The following NDST4 variants were observed in gnomAD, a reference collection of about 807,000 sequenced individuals.
NDST4 encodes N-deacetylase and N-sulfotransferase 4.
Under a neutral mutation model 100.8 loss-of-function variants are expected in NDST4, and 63 were observed. That is an observed-to-expected ratio of 0.62 (90% CI 0.51 to 0.77). The LOEUF (loss-of-function observed/expected upper bound fraction) is 0.77, where lower values mean the gene tolerates loss of function less well. Ranked by LOEUF, NDST4 falls within the 30% of genes least tolerant of loss-of-function variation. NDST4 has a pLI of 0.00. For missense variants in NDST4, 943 were observed against 1,018.4 expected (o/e 0.93, Z 1.01); for synonymous variants, 377 against 361.8 (o/e 1.04, Z -0.48).
rs1214483365 is a variant in NDST4, at chr4:114,984,760, T to C, written c.979-7486A>G. 3.3e-5 allele frequency among the ~76,000 whole-genome samples: 5 copies of C among 152,308 alleles called. No homozygotes were observed. In the East Asian group the frequency reaches 7.7e-4, roughly 24 times the overall value. ...ACCTTAGTAACCTTATATTCCAATA[T>C]AGCAAGTTTGTGTGCCTACCTCAGT... On this transcript the variant is annotated intron_variant, in intron 2 of 13. Coordinates refer to ENST00000264363, the MANE Select transcript of NDST4 (RefSeq NM_022569.3).
At chr4:115,021,164 C>T (rs1255423004) in intron 2 of NDST4, among the ~76,000 whole-genome samples, 4 of 151,642 alleles carry the variant, frequency 2.6e-5, no homozygotes, top group Non-Finnish European at 4.4e-5. Flanking sequence ...AATCTAAATG[C>T]CCATCAATCA....
At chr4:115,045,356 A>G (rs974827652) in intron 2 of NDST4, among the ~76,000 whole-genome samples, 6 of 152,202 alleles carry the variant, frequency 3.9e-5, no homozygotes, top group African/African-American at 1.4e-4. Flanking sequence ...CAAAAACCTC[A>G]CTAGCTAATT....
intron 6 of NDST4, among the ~76,000 whole-genome samples, chr4:114,927,205 A>G (rs1367562169): frequency 7.1e-6 from 1 of 141,320 alleles, no homozygotes; most frequent in Non-Finnish European, 1.5e-5. Flanking sequence ...AGTATTTAAA[A>G]TTAACTTGAT....
intron 2 of NDST4, among the ~76,000 whole-genome samples, chr4:114,984,571 G>A (rs1016117039): frequency 1.3e-5 from 2 of 152,082 alleles, no homozygotes; most frequent in Non-Finnish European, 2.9e-5. Flanking sequence ...ATAAAAAGGT[G>A]TCTTATTTAT....
chr4:114,874,826 T>C (rs1724224633), intron 6 of NDST4, among the ~76,000 whole-genome samples: 1 of 151,104 alleles, frequency 6.6e-6, no homozygotes, highest in Admixed American at 6.6e-5. Flanking sequence ...CTTATGTTGC[T>C]ACTATTTTTT....
intron 6 of NDST4, among the ~76,000 whole-genome samples, chr4:114,909,606 G>T (rs1725022350): frequency 6.8e-6 from 1 of 146,194 alleles, no homozygotes; most frequent in Non-Finnish European, 1.5e-5. Context: ...CTTGCAGTGA[G>T]CCGAGATTGC....
chr4:115,033,127 ATGTG>A (rs201380744), intron 2 of NDST4, among the ~76,000 whole-genome samples: 119 of 98,638 alleles, frequency 1.2e-3, no homozygotes, highest in African/African-American at 4.7e-3. Flanking sequence ...TTATATATAT[ATGTG>A]TATATATATA....
chr4:115,071,602 A>G (rs1265791349), intron 2 of NDST4, among the ~76,000 whole-genome samples: 1 of 152,146 alleles, frequency 6.6e-6, no homozygotes, highest in Non-Finnish European at 1.5e-5. Flanking sequence ...ATACCTATTG[A>G]ACACCTCTTT....
chr4:114,917,599 GAGACCCTGT>G (rs1725201714), intron 6 of NDST4, among the ~76,000 whole-genome samples: 1 of 152,008 alleles, frequency 6.6e-6, no homozygotes, highest in Non-Finnish European at 1.5e-5. Context: ...GCAACATAGT[GAGACCCTGT>G]CTCTAAAAAA....
rs58788200 is a variant in NDST4 at position 115,006,632 on chromosome 4, G to A, written c.979-29358C>T. 7.2e-3 allele frequency among the ~76,000 whole-genome samples: 1,093 copies of A among 152,114 alleles called. 10 individuals carry two copies. Among genetic ancestry groups the A allele is most frequent in the African/African-American group, 0.022 (927 of 41,518 alleles). On this transcript the variant is annotated intron_variant, in intron 2 of 13. Transcript: ENST00000264363. ...GAACAAGTTTGTGGGAAAAGATGAC[G>A]GTATCTTTTTGAGACAGGCTGAATT...
chr4:114,894,007 A>G (rs1436165970), intron 6 of NDST4, among the ~76,000 whole-genome samples: 1 of 152,098 alleles, frequency 6.6e-6, no homozygotes, highest in African/African-American at 2.4e-5. Flanking sequence ...TCCTTTCCCC[A>G]TTGCTTGTTT....
chr4:115,094,816 G>A (rs1729588721), intron 1 of NDST4, among the ~76,000 whole-genome samples: 1 of 152,094 alleles, frequency 6.6e-6, no homozygotes, highest in Non-Finnish European at 1.5e-5. Flanking sequence ...CCAGAAGAGA[G>A]ATCTGGAACA....
chr4:115,012,719 A>G (rs1472858611), intron 2 of NDST4, among the ~76,000 whole-genome samples: 1 of 140,726 alleles, frequency 7.1e-6, no homozygotes, highest in Non-Finnish European at 1.5e-5. Context: ...AAATCAGTAC[A>G]TCAAAGAAAT....
chr4:114,930,799 A>G (rs1725495911), intron 6 of NDST4, among the ~76,000 whole-genome samples: 1 of 152,154 alleles, frequency 6.6e-6, no homozygotes, highest in Admixed American at 6.5e-5. Context: ...AAATAATCAC[A>G]ATATTATATA....
intron 6 of NDST4, among the ~76,000 whole-genome samples, chr4:114,911,112 T>A (rs1578383086): frequency 6.6e-6 from 1 of 151,228 alleles, no homozygotes; most frequent in Non-Finnish European, 1.5e-5. Context: ...ATCTCACTTA[T>A]GTGAATAAAA....
chr4:115,098,778 C>T (rs1453576509), intron 1 of NDST4, among the ~76,000 whole-genome samples: 1 of 152,168 alleles, frequency 6.6e-6, no homozygotes, highest in Non-Finnish European at 1.5e-5. Flanking sequence ...TGGCTAACTG[C>T]AGCTTAGCCC....
At chr4:115,060,810 T>C (rs1033021177) in intron 2 of NDST4, among the ~76,000 whole-genome samples, 1 of 152,022 alleles carries the variant, frequency 6.6e-6, no homozygotes, top group Non-Finnish European at 1.5e-5. Context: ...ATGGCATTTA[T>C]AAATATTTAA....
intron 2 of NDST4, 95 bp downstream of exon 2, chr4:115,075,964 A>C: frequency 7.0e-7 from 1 of 1,432,116 alleles, no homozygotes. Context: ...CTGCACCTTA[A>C]AACTTTAGGG....
chr4:114,854,872 G>C (rs79772794), intron 7 of NDST4, among the ~76,000 whole-genome samples: 3,452 of 152,172 alleles, frequency 0.023, 120 homozygotes, highest in African/African-American at 0.077. Context: ...TTCCATAGTG[G>C]TTGTACTAAT....
Sources: gnomAD v4.1 joint callset for allele counts (sites outside exome capture counted in the v4.1 genomes callset) on GRCh38, gnomAD v4.1.1 for gene constraint, MANE v1.5 for transcripts, NCBI Gene and HGNC (gene_info 2026-07-23, HGNC 2026-07-21) for gene names.